Variants in CAPZA3 observed in about 807,000 individuals in gnomAD.
CAPZA3 encodes F-actin-capping protein subunit alpha-3.
Under a neutral mutation model 23.6 loss-of-function variants are expected in CAPZA3, and 22 were observed. The observed-to-expected ratio is 0.93, with a 90% CI of 0.67 to 1.33. The LOEUF is 1.33. Ranked by LOEUF, CAPZA3 falls within the 40% of genes most tolerant of loss-of-function variation. The pLI, the probability that CAPZA3 is intolerant of heterozygous loss-of-function variation, is 0.00. For missense variants in CAPZA3, 357 were observed against 345.9 expected (o/e 1.03, Z -0.25); for synonymous variants, 142 against 126.5 (o/e 1.12, Z -0.82).
In CAPZA3 at chr12:18,738,302, G is replaced by A. The variant is rs758539925; in HGVS notation, c.34G>A (p.Glu12Lys). The stretch of plus-strand genomic sequence containing the variant: ...TAGCGTGCTGAGCAGGAAGGACAAG[G>A]AAAGAGTAATTCGCAGACTGTTATT... The part of the protein sequence containing the change: ...TLSVLSRKDK[E>K]RVIRRLLLQA... Residue 12 changes from glutamate to lysine, a missense_variant, in exon 1 of 1, where the codon GAA becomes AAA. By Grantham distance (56) the Glu-to-Lys change is moderately conservative. Transcript: ENST00000317658. 1 of 1,613,326 alleles carries A rather than the reference G, an allele frequency of 6.2e-7. No individual in the cohort carries two copies. The highest frequency in any genetic ancestry group is 8.5e-7 in the Non-Finnish European group (1 of 1,179,570).
rs1002857290 is a variant in CAPZA3 at position 18,738,275 on chromosome 12, C to A, written c.7C>A (p.Leu3Ile). 1.2e-6 allele frequency: 2 copies of A among 1,604,224 alleles called. No individual in the cohort carries two copies. Among genetic ancestry groups the A allele is most frequent in the Admixed American group, 3.4e-5 (2 of 59,076 alleles). MT[L>I]SVLSRKDKER... ...GCTTCTGTTGCAACCAAACATGACA[C>A]TTAGCGTGCTGAGCAGGAAGGACAA... Residue 3 changes from leucine to isoleucine, a missense_variant, in exon 1 of 1, where the codon CTT becomes ATT. Leu to Ile is a conservative substitution (Grantham distance 5). Transcript: ENST00000317658.
Position 18,739,085 on chromosome 12 carries a change from C to T in CAPZA3, c.817C>T (p.Leu273Phe). The change falls in exon 1 of 1, where the codon CTC (leucine) becomes TTC (phenylalanine). Residue 273 changes from leucine (L) to phenylalanine (F), a missense_variant. Physicochemically the swap from Leu to Phe is conservative, Grantham distance 22 (BLOSUM62 0). Transcript: ENST00000317658. ...CACTCTTATTGACTGGCACAGGATACTCTCTGACTTGAATCTGGTGATGTA... is the reference window on the plus strand; with the variant it reads ...CACTCTTATTGACTGGCACAGGATATTCTCTGACTTGAATCTGGTGATGTA... ...TRTLIDWHRI[L>F]SDLNLVMYPK... The T allele has an allele frequency of 6.2e-7, 1 of 1,612,734 alleles. No homozygotes were observed.
chr12:18,738,165 C>G lies in CAPZA3; in HGVS notation c.-104C>G, dbSNP rs1481650213. On this transcript the variant is annotated 5_prime_UTR_variant, in exon 1 of 1. Transcript: ENST00000317658. ...TTTCATGGATAGACATAAAAACCTT[C>G]AGCTTGAATGTTAACACCTTGATGG... 23 of 1,112,288 alleles carry G rather than the reference C, an allele frequency of 2.1e-5. No homozygotes were observed. The highest frequency in any genetic ancestry group is 3.0e-5 in the Non-Finnish European group (23 of 771,316). 68.9% of individuals were successfully genotyped at this position (1,112,288 alleles called of 1,614,324 possible).
Position 18,738,637 on chromosome 12 carries a change from C to T in CAPZA3, c.369C>T (p.Cys123=), listed in dbSNP as rs200625390. The T allele has an allele frequency of 1.6e-4, 258 of 1,613,986 alleles. No individual in the cohort carries two copies. Among genetic ancestry groups the T allele is most frequent in the South Asian group, 4.3e-4 (39 of 91,078 alleles). Residue 123 remains cysteine, a synonymous_variant, in exon 1 of 1, where the codon TGC becomes TGT. Coordinates refer to ENST00000317658, the MANE Select transcript of CAPZA3 (RefSeq NM_033328.3). ...EAEYLRVVLL[C]ALKLYVNDHY... ...AATACCTGAGAGTTGTTCTTCTGTG[C>T]GCCTTAAAACTGTATGTGAATGACC...
At position 18,738,218 on chromosome 12, in the gene CAPZA3, A is replaced by G. The variant is rs772319234; in HGVS notation, c.-51A>G. On this transcript the variant is annotated 5_prime_UTR_variant, in exon 1 of 1. Transcript: ENST00000317658. ...AAGGTGGCTCATGGAATGTTTTCTT[A>G]TCCTTTGAACACTCCTCATTTCAGA... is the stretch of plus-strand genomic sequence containing the variant. 2.7e-6 allele frequency: 4 copies of G among 1,489,098 alleles called. No individual in the cohort carries two copies. Among genetic ancestry groups the G allele is most frequent in the Non-Finnish European group, 3.6e-6 (4 of 1,104,400 alleles). 92.2% of individuals were successfully genotyped at this position (1,489,098 alleles called of 1,614,324 possible). A position where few individuals can be genotyped will look rare whatever the true frequency, so the allele number is the denominator to read the frequency against.
Position 18,739,059 on chromosome 12 carries a change from G to T in CAPZA3, c.791G>T (p.Arg264Leu), listed in dbSNP as rs780970849. The change falls in exon 1 of 1, where the codon CGC (arginine) becomes CTC (leucine). Residue 264 changes from arginine (R) to leucine (L), a missense_variant. Coordinates refer to ENST00000317658, the MANE Select transcript of CAPZA3 (RefSeq NM_033328.3). ...KILRRDLPVTRTLIDWHRILS... is the reference protein window; with the variant it reads ...KILRRDLPVTLTLIDWHRILS... ...CTACGAAGGGATCTTCCAGTGACCC[G>T]CACTCTTATTGACTGGCACAGGATA... is the stretch of plus-strand genomic sequence containing the variant. The T allele has an allele frequency of 1.9e-5, 31 of 1,611,906 alleles. No homozygotes were observed. In the South Asian group the frequency reaches 3.3e-4, roughly 17 times the overall value.
Position 18,738,359 on chromosome 12 carries a change from T to C in CAPZA3, c.91T>C (p.Phe31Leu), listed in dbSNP as rs1293382673. Residue 31 changes from phenylalanine to leucine, a missense_variant, in exon 1 of 1, where the codon TTT (phenylalanine) becomes CTT (leucine). Transcript: ENST00000317658. ...CCCTCCAGGGGAATTTGTAAATGCC[T>C]TTGATGATCTCTGTCTGCTTATCCG... ...QAPPGEFVNA[F>L]DDLCLLIRDE... The C allele has an allele frequency of 6.8e-6, 11 of 1,614,078 alleles. No individual in the cohort carries two copies. Among genetic ancestry groups the C allele is most frequent in the Non-Finnish European group, 8.5e-6 (10 of 1,179,968 alleles).
Position 18,738,467 on chromosome 12 carries a change from G to A in CAPZA3, c.199G>A (p.Gly67Arg). 2 of 1,614,064 alleles carry A rather than the reference G, an allele frequency of 1.2e-6. No individual in the cohort carries two copies. The highest frequency in any genetic ancestry group is 1.7e-6 in the Non-Finnish European group (2 of 1,179,982). The change falls in exon 1 of 1, where the codon GGA becomes AGA. Residue 67 changes from glycine to arginine, a missense_variant. Coordinates refer to ENST00000317658, the MANE Select transcript of CAPZA3 (RefSeq NM_033328.3). ...QKYSVPLCID[G>R]NPVLLSHHNV... The stretch of plus-strand genomic sequence containing the variant: ...ATATTCTGTACCACTCTGCATCGAT[G>A]GAAATCCAGTACTCTTGTCTCACCA...
In CAPZA3 at chr12:18,738,389, GA is replaced by G. The variant is rs1184383594; in HGVS notation, c.126del (p.Lys42AsnfsTer36). 35 of 1,613,980 alleles carry G rather than the reference GA, an allele frequency of 2.2e-5. No individual in the cohort carries two copies. The highest frequency in any genetic ancestry group is 3.0e-5 in the Non-Finnish European group (35 of 1,180,002). On this transcript the variant is annotated frameshift_variant, in exon 1 of 1. Transcript: ENST00000317658. LOFTEE classifies it high-confidence loss of function. ...FDDLCLLIRD[E>X]KLMHHQGECA... Reference sequence around the variant, plus strand: ...TGATCTCTGTCTGCTTATCCGTGATGAAAAACTTATGCACCACCAAGGTGAG... The same window carrying G: ...TGATCTCTGTCTGCTTATCCGTGATGAAAACTTATGCACCACCAAGGTGAG...
rs2150777779 is a variant in CAPZA3 at position 18,738,157 on chromosome 12, A to C, written c.-112A>C. ...CTGCCTGCTTTCATGGATAGACATAAAAACCTTCAGCTTGAATGTTAACAC... is the reference window on the plus strand; with the variant it reads ...CTGCCTGCTTTCATGGATAGACATACAAACCTTCAGCTTGAATGTTAACAC... On this transcript the variant is annotated 5_prime_UTR_variant, in exon 1 of 1. Transcript: ENST00000317658. 9.6e-7 allele frequency: 1 copy of C among 1,042,658 alleles called. No homozygotes were observed. The highest frequency in any genetic ancestry group is 1.6e-5 in the South Asian group (1 of 64,026). The allele number at this position is 1,042,658 out of a possible 1,614,324, so 64.6% of individuals were successfully genotyped here. A position where few individuals can be genotyped will look rare whatever the true frequency, so the allele number is the denominator to read the frequency against.
Position 18,738,785 on chromosome 12 carries a change from A to T in CAPZA3, c.517A>T (p.Lys173Ter). Residue 173 changes from lysine to a stop codon, truncating the protein, a stop_gained, in exon 1 of 1, where the codon AAA (lysine) becomes TAA (stop). Coordinates refer to ENST00000317658, the MANE Select transcript of CAPZA3 (RefSeq NM_033328.3). LOFTEE classifies it high-confidence loss of function. ...GTGCTGGAACGGACTTTGGAAATCTAAATGGATTTTCCAAGTTAACCCATT... is the reference window on the plus strand; with the variant it reads ...GTGCTGGAACGGACTTTGGAAATCTTAATGGATTTTCCAAGTTAACCCATT... Reference protein sequence around the residue: ...GECWNGLWKSKWIFQVNPFLT... With the variant: ...GECWNGLWKS 2 of 1,614,124 alleles carry T rather than the reference A, an allele frequency of 1.2e-6. No homozygotes were observed. Among genetic ancestry groups the T allele is most frequent in the Non-Finnish European group, 1.7e-6 (2 of 1,180,000 alleles).
chr12:18,739,187 T>C lies in CAPZA3; in HGVS notation c.*19T>C, dbSNP rs1310612646. On this transcript the variant is annotated 3_prime_UTR_variant, in exon 1 of 1. Transcript: ENST00000317658. ...AATATAAAGAATTGCTCCTGGTAAC[T>C]ATCTTGATTTGACTTGTTTGTGTTT... 1.3e-6 allele frequency: 2 copies of C among 1,572,474 alleles called. No individual in the cohort carries two copies. Among genetic ancestry groups the C allele is most frequent in the South Asian group, 2.3e-5 (2 of 87,552 alleles).
rs369388250 is a variant in CAPZA3 at position 18,738,505 on chromosome 12, C to T, written c.237C>T (p.Gly79=). The T allele has an allele frequency of 6.2e-5, 100 of 1,613,918 alleles. 1 individual carries two copies. The South Asian group carries it at 6.9e-4, about 11-fold the overall frequency. ...PVLLSHHNVM[G]DYRFFDHQSK... is the part of the protein sequence containing the mutation. Reference sequence around the variant, plus strand: ...TCTTGTCTCACCACAATGTAATGGGCGACTACCGATTTTTTGACCATCAAA... The same window carrying T: ...TCTTGTCTCACCACAATGTAATGGGTGACTACCGATTTTTTGACCATCAAA... The change falls in exon 1 of 1, where the codon GGC becomes GGT. Residue 79 remains glycine, a synonymous_variant. Coordinates refer to ENST00000317658, the MANE Select transcript of CAPZA3 (RefSeq NM_033328.3).
At position 18,738,832 on chromosome 12, in the gene CAPZA3, A is replaced by T; in HGVS notation, c.564A>T (p.Arg188Ser). 1 of 1,614,074 alleles carries T rather than the reference A, an allele frequency of 6.2e-7. No homozygotes were observed. Among genetic ancestry groups the T allele is most frequent in the South Asian group, 1.1e-5 (1 of 91,084 alleles). ...VNPFLTQVTG[R>S]IFVQAHFFRC... ...CATTTCTAACCCAAGTAACGGGAAG[A>T]ATATTTGTGCAAGCTCACTTCTTCA... Residue 188 changes from arginine to serine, a missense_variant, in exon 1 of 1, where the codon AGA becomes AGT. Coordinates refer to ENST00000317658, the MANE Select transcript of CAPZA3 (RefSeq NM_033328.3).
chr12:18,739,046 C>T lies in CAPZA3; in HGVS notation c.778C>T (p.Leu260Phe), dbSNP rs764011869. 5 of 1,611,870 alleles carry T rather than the reference C, an allele frequency of 3.1e-6. No homozygotes were observed. Among genetic ancestry groups the T allele is most frequent in the Non-Finnish European group, 3.4e-6 (4 of 1,179,920 alleles). Residue 260 changes from leucine to phenylalanine, a missense_variant, in exon 1 of 1, where the codon CTT becomes TTT. Transcript: ENST00000317658. ...CCTGAGAAAAATTCTACGAAGGGAT[C>T]TTCCAGTGACCCGCACTCTTATTGA... ...EALRKILRRD[L>F]PVTRTLIDWH...
In CAPZA3 at chr12:18,738,835, A is replaced by ATTTGT; in HGVS notation, c.568_572dup (p.Gln192LeufsTer20). ...TTCTAACCCAAGTAACGGGAAGAAT[A>ATTTGT]TTTGTGCAAGCTCACTTCTTCAGGT... On this transcript the variant is annotated frameshift_variant, in exon 1 of 1. Coordinates refer to ENST00000317658, the MANE Select transcript of CAPZA3 (RefSeq NM_033328.3). LOFTEE classifies it high-confidence loss of function. 1.2e-6 allele frequency: 2 copies of ATTTGT among 1,614,024 alleles called. No individual in the cohort carries two copies. The highest frequency in any genetic ancestry group is 8.5e-7 in the Non-Finnish European group (1 of 1,179,958).
chr12:18,739,061 A>C lies in CAPZA3; in HGVS notation c.793A>C (p.Thr265Pro). 1 of 1,612,208 alleles carries C rather than the reference A, an allele frequency of 6.2e-7. No homozygotes were observed. The highest frequency in any genetic ancestry group is 1.1e-5 in the South Asian group (1 of 91,062). The change falls in exon 1 of 1, where the codon ACT becomes CCT. Residue 265 changes from threonine (T) to proline (P), a missense_variant. Coordinates refer to ENST00000317658, the MANE Select transcript of CAPZA3 (RefSeq NM_033328.3). ...ILRRDLPVTR[T>P]LIDWHRILSD... ...ACGAAGGGATCTTCCAGTGACCCGC[A>C]CTCTTATTGACTGGCACAGGATACT...
chr12:18,739,034 C>T lies in CAPZA3; in HGVS notation c.766C>T (p.Leu256=). The T allele has an allele frequency of 2.5e-6, 4 of 1,611,976 alleles. No homozygotes were observed. Among genetic ancestry groups the T allele is most frequent in the Non-Finnish European group, 2.5e-6 (3 of 1,179,920 alleles). The change falls in exon 1 of 1, where the codon CTA becomes TTA. Residue 256 remains leucine (L), a synonymous_variant. Transcript: ENST00000317658. Reference sequence around the variant, plus strand: ...ATCCAATGAAGCCCTGAGAAAAATTCTACGAAGGGATCTTCCAGTGACCCG... The same window carrying T: ...ATCCAATGAAGCCCTGAGAAAAATTTTACGAAGGGATCTTCCAGTGACCCG... The part of the protein sequence containing the change: ...ELSNEALRKI[L]RRDLPVTRTL...
chr12:18,738,675 G>C lies in CAPZA3; in HGVS notation c.407G>C (p.Gly136Ala). 1 of 1,614,026 alleles carries C rather than the reference G, an allele frequency of 6.2e-7. No homozygotes were observed. Among genetic ancestry groups the C allele is most frequent in the Non-Finnish European group, 8.5e-7 (1 of 1,179,964 alleles). The change falls in exon 1 of 1, where the codon GGA (glycine) becomes GCA (alanine). Residue 136 changes from glycine to alanine, a missense_variant. Gly to Ala is a moderately conservative substitution (Grantham distance 60). Transcript: ENST00000317658. ...TATGTGAATGACCACTATCCAAAAG[G>C]AAATTGCAACATGCTGAGAAAAACT... ...KLYVNDHYPK[G>A]NCNMLRKTVK...
Sources: gnomAD v4.1 joint callset for allele counts on GRCh38, gnomAD v4.1.1 for gene constraint, MANE v1.5 for transcripts, NCBI Gene and HGNC (gene_info 2026-07-23, HGNC 2026-07-21) for gene names.